Variants in FMN1 observed in about 807,000 individuals in gnomAD.
The protein encoded by FMN1 is formin-1.
Under a neutral mutation model 132.4 loss-of-function variants are expected in FMN1, and 110 were observed. That is an observed-to-expected ratio of 0.83 (90% CI 0.71 to 0.97). The LOEUF is 0.97. Ranked by LOEUF, FMN1 falls within the 50% of genes least tolerant of loss-of-function variation. FMN1 has a pLI of 0.00. For missense variants in FMN1, 1,792 were observed against 1,705.3 expected, an observed-to-expected ratio of 1.05 and a Z score of -0.90; for synonymous variants, 722 against 651.7, an observed-to-expected ratio of 1.11 and a Z score of -1.64.
chr15:33,064,863 T>G (rs774606839), intron 6 of FMN1, 94 bp downstream of exon 6: 3 of 857,176 alleles, frequency 3.5e-6, no homozygotes, highest in African/African-American at 1.7e-5. Context: ...TATAATGAAA[T>G]AAAACCCCAA....
chr15:33,070,414 A>G (rs2037953414), intron 5 of FMN1, among the ~76,000 whole-genome samples: 1 of 150,544 alleles, frequency 6.6e-6, no homozygotes, highest in African/African-American at 2.4e-5. Context: ...TATGAACTGA[A>G]AAGACTCAAT....
At chr15:33,088,175 C>G (rs1346144528) in intron 5 of FMN1, among the ~76,000 whole-genome samples, 1 of 151,862 alleles carries the variant, frequency 6.6e-6, no homozygotes, top group Non-Finnish European at 1.5e-5. Context: ...TTCATGTAAC[C>G]AAACACCACC....
At chr15:32,987,344 T>C (rs2033131472) in intron 7 of FMN1, among the ~76,000 whole-genome samples, 1 of 152,178 alleles carries the variant, frequency 6.6e-6, no homozygotes, top group African/African-American at 2.4e-5. Context: ...CCATGTACCC[T>C]TTATGAAAAA....
chr15:32,880,877 G>A (rs1412182427), intron 16 of FMN1, among the ~76,000 whole-genome samples: 3 of 152,114 alleles, frequency 2.0e-5, no homozygotes, highest in African/African-American at 7.2e-5. Context: ...TAAGTATTCT[G>A]AAATGTTCTA....
intron 8 of FMN1, among the ~76,000 whole-genome samples, chr15:32,966,237 T>C (rs2031211699): frequency 6.6e-6 from 1 of 152,146 alleles, no homozygotes; most frequent in African/African-American, 2.4e-5. Flanking sequence ...ACTTATATTC[T>C]GGAGTAAATT....
chr15:32,867,555 G>A (rs998515769), intron 16 of FMN1, among the ~76,000 whole-genome samples: 2 of 150,854 alleles, frequency 1.3e-5, no homozygotes, highest in African/African-American at 5.0e-5. Flanking sequence ...CCAGGCTGGA[G>A]TGCAGTCGTG....
At chr15:32,861,726 C>A (rs186146261) in intron 16 of FMN1, among the ~76,000 whole-genome samples, 1 of 152,150 alleles carries the variant, frequency 6.6e-6, no homozygotes. Context: ...AAATATGCCA[C>A]GGTGCAAATC....
At chr15:33,056,096 G>C (rs2037204307) in intron 6 of FMN1, among the ~76,000 whole-genome samples, 1 of 152,162 alleles carries the variant, frequency 6.6e-6, no homozygotes, top group South Asian at 2.1e-4. Context: ...TATGCTGCTG[G>C]TGGATGTATA....
chr15:32,793,683 CA>C (rs1333861264), intron 19 of FMN1, among the ~76,000 whole-genome samples: 1 of 152,058 alleles, frequency 6.6e-6, no homozygotes, highest in African/African-American at 2.4e-5. Context: ...TAGGAAAATT[CA>C]AAGTTTTGAC....
intron 19 of FMN1, among the ~76,000 whole-genome samples, chr15:32,777,182 T>G (rs978737760): frequency 6.6e-6 from 1 of 152,152 alleles, no homozygotes; most frequent in Non-Finnish European, 1.5e-5. Context: ...TGTGGTAGTT[T>G]CTGATGGATG....
intron 17 of FMN1, among the ~76,000 whole-genome samples, chr15:32,829,155 C>T (rs777529816): frequency 6.6e-6 from 1 of 152,216 alleles, no homozygotes; most frequent in Non-Finnish European, 1.5e-5. Flanking sequence ...AAATTTCCTT[C>T]TCTGCTTTCT....
In FMN1 at chr15:33,154,651, G is replaced by A. The variant is rs1463994668; in HGVS notation, c.264C>T (p.Tyr88=). ...TPTKDILTEL[Y]KLTTERERLL... ...GTCTCTCCCTCTCTGTTGTGAGTTT[G>A]TACAGCTCAGTTAGAATGTCTTTCG... is the stretch of plus-strand genomic sequence containing the variant. The change falls in exon 4 of 21, where the codon TAC becomes TAT. Residue 88 remains tyrosine (Y), a synonymous_variant. Transcript: ENST00000616417. 6 of 1,536,014 alleles carry A rather than the reference G, an allele frequency of 3.9e-6. No homozygotes were observed. The East Asian group carries it at 1.5e-4, about 38-fold the overall frequency.
At chr15:33,129,023 T>C (rs758976800) in intron 4 of FMN1, among the ~76,000 whole-genome samples, 1 of 152,044 alleles carries the variant, frequency 6.6e-6, no homozygotes, top group Non-Finnish European at 1.5e-5. Context: ...TGCTGATTGG[T>C]GCATTTACAA....
At position 33,153,652 on chromosome 15, in the gene FMN1, G is replaced by A. The variant is rs902217281; in HGVS notation, c.1263C>T (p.Pro421=). 3.3e-6 allele frequency: 5 copies of A among 1,536,180 alleles called. No individual in the cohort carries two copies. In the African/African-American group the frequency reaches 6.8e-5, roughly 21 times the overall value. Residue 421 remains proline (P), a synonymous_variant, in exon 4 of 21, where the codon CCC becomes CCT. Transcript: ENST00000616417. The part of the protein sequence containing the change: ...ASAEGAVNKV[P]LKVIESEKLD... ...ACTTCTCACTCTCTATCACCTTCAG[G>A]GGGACCTTGTTCACGGCCCCCTCGG... is the stretch of plus-strand genomic sequence containing the variant.
chr15:32,885,244 C>CT (rs1476630546), intron 16 of FMN1, among the ~76,000 whole-genome samples: 1 of 152,222 alleles, frequency 6.6e-6, no homozygotes, highest in Non-Finnish European at 1.5e-5. Flanking sequence ...TCCTGTGACT[C>CT]TATCTGATCT....
chr15:33,048,473 G>A lies in FMN1; in HGVS notation c.2161+16484C>T, dbSNP rs543860563. Among the ~76,000 whole-genome samples the A allele has an allele frequency of 2.2e-4, 33 of 151,630 alleles. No homozygotes were observed. The South Asian group carries it at 6.7e-3, about 31-fold the overall frequency. On this transcript the variant is annotated intron_variant, in intron 6 of 20. Transcript: ENST00000616417. ...TAAGTTGTGAAAGGATTCATGAAAG[G>A]ATATTTATGCACTAAAAGTAAAAGT...
chr15:32,842,342 G>T (rs542490879), intron 17 of FMN1, among the ~76,000 whole-genome samples: 3 of 152,222 alleles, frequency 2.0e-5, no homozygotes, highest in Admixed American at 6.5e-5. Flanking sequence ...GCCTACAGAT[G>T]ATTTCAATTC....
chr15:33,033,391 A>T (rs1195211235), intron 6 of FMN1, among the ~76,000 whole-genome samples: 1 of 152,122 alleles, frequency 6.6e-6, no homozygotes, highest in Non-Finnish European at 1.5e-5. Flanking sequence ...AAGAACTTGC[A>T]CATCCTCCCG....
chr15:32,898,958 G>A (rs2060226822), intron 14 of FMN1, 65 bp from the exon 15 acceptor site: 6 of 1,113,224 alleles, frequency 5.4e-6, no homozygotes, highest in Non-Finnish European at 6.7e-6. Flanking sequence ...ACACGGTTGA[G>A]AGGTGAAATC....
Sources: allele counts gnomAD v4.1 joint callset (sites outside exome capture counted in the v4.1 genomes callset), GRCh38; gene constraint gnomAD v4.1.1; transcripts MANE v1.5; gene names NCBI Gene and HGNC (gene_info 2026-07-23, HGNC 2026-07-21).